AFG1L: variants seen among roughly 807,000 people sequenced by gnomAD.
AFG1L encodes the protein AFG1-like ATPase.
In AFG1L, 53 loss-of-function variants were observed where a neutral mutation model predicts 62.2. The ratio of observed to expected loss-of-function variants is 0.85; its 90% CI spans 0.68 to 1.07. The LOEUF (loss-of-function observed/expected upper bound fraction) is 1.07, where lower values mean the gene tolerates loss of function less well. Among genes scored for constraint, AFG1L ranks in the 50% least tolerant of loss-of-function variants. AFG1L has a pLI of 0.00. For missense variants in AFG1L, 555 were observed against 590.5 expected, an observed-to-expected ratio of 0.94 and a Z score of 0.62; for synonymous variants, 228 against 210.3, an observed-to-expected ratio of 1.08 and a Z score of -0.73.
intron 11 of AFG1L, among the ~76,000 whole-genome samples, chr6:108,518,749 C>G (rs774081520): frequency 1.3e-5 from 2 of 152,164 alleles, no homozygotes; most frequent in Non-Finnish European, 2.9e-5. Flanking sequence ...CATTCAAATA[C>G]TTATGTAATC....
intron 6 of AFG1L, among the ~76,000 whole-genome samples, chr6:108,378,000 ATTTACTTAT>A (rs1780323278): frequency 6.7e-6 from 1 of 149,188 alleles, no homozygotes; most frequent in Admixed American, 6.7e-5. Flanking sequence ...TTCTCAAATA[ATTTACTTAT>A]TTTACTTATT....
intron 6 of AFG1L, among the ~76,000 whole-genome samples, chr6:108,401,360 T>C (rs1324854611): frequency 6.6e-6 from 1 of 151,830 alleles, no homozygotes; most frequent in East Asian, 1.9e-4. Flanking sequence ...GCCAGGATGG[T>C]CTCGATCTCC....
At chr6:108,296,784 G>A (rs1040402190) in intron 1 of AFG1L, among the ~76,000 whole-genome samples, 2 of 152,148 alleles carry the variant, frequency 1.3e-5, no homozygotes, top group South Asian at 2.1e-4. Context: ...GATTTAAGGA[G>A]CATCATTATA....
intron 1 of AFG1L, among the ~76,000 whole-genome samples, chr6:108,311,188 C>T (rs1266704084): frequency 1.3e-5 from 2 of 152,212 alleles, no homozygotes; most frequent in African/African-American, 4.8e-5. Flanking sequence ...CCGCCTTTCA[C>T]TTTACGTCTC....
intron 2 of AFG1L, among the ~76,000 whole-genome samples, chr6:108,333,269 G>T (rs1254568582): frequency 3.3e-5 from 5 of 152,118 alleles, no homozygotes; most frequent in Non-Finnish European, 1.5e-5. Context: ...AATTAGCCAG[G>T]TGTGGTGGCG....
intron 7 of AFG1L, among the ~76,000 whole-genome samples, chr6:108,420,104 A>T (rs540947214): frequency 3.3e-5 from 5 of 152,306 alleles, no homozygotes; most frequent in Non-Finnish European, 7.4e-5. Context: ...AGTGTCAGTC[A>T]GCCTCTATGA....
chr6:108,301,013 G>C (rs189606206), intron 1 of AFG1L, among the ~76,000 whole-genome samples: 2 of 152,246 alleles, frequency 1.3e-5, no homozygotes, highest in South Asian at 2.1e-4. Context: ...ATATCTTTAT[G>C]TGAACTTATT....
At chr6:108,366,966 G>A (rs1779788831) in intron 6 of AFG1L, among the ~76,000 whole-genome samples, 2 of 152,180 alleles carry the variant, frequency 1.3e-5, no homozygotes, top group South Asian at 2.1e-4. Flanking sequence ...TATCTGCATG[G>A]CTAAGCCCTC....
intron 7 of AFG1L, among the ~76,000 whole-genome samples, chr6:108,440,434 G>T (rs1382082710): frequency 6.6e-6 from 1 of 152,118 alleles, no homozygotes; most frequent in Non-Finnish European, 1.5e-5. Context: ...CTCCCAAAGT[G>T]CTGGGATTAC....
intron 6 of AFG1L, among the ~76,000 whole-genome samples, chr6:108,394,994 T>C (rs1412336056): frequency 2.6e-5 from 4 of 152,190 alleles, no homozygotes; most frequent in African/African-American, 4.8e-5. Flanking sequence ...TTTTACTCAT[T>C]AGAGGTGTTT....
intron 8 of AFG1L, among the ~76,000 whole-genome samples, chr6:108,456,682 G>A (rs1772264520): frequency 6.6e-6 from 1 of 151,930 alleles, no homozygotes; most frequent in African/African-American, 2.4e-5. Context: ...CTTCTCTATG[G>A]AATTTGCCTA....
At chr6:108,350,032 G>A (rs907585865) in intron 3 of AFG1L, among the ~76,000 whole-genome samples, 2 of 151,944 alleles carry the variant, frequency 1.3e-5, no homozygotes, top group Admixed American at 1.3e-4. Context: ...GACCAGCCTG[G>A]CCAAAATGGT....
chr6:108,335,563 A>T (rs777685216), intron 2 of AFG1L, among the ~76,000 whole-genome samples: 10 of 152,110 alleles, frequency 6.6e-5, no homozygotes, highest in African/African-American at 9.6e-5. Context: ...AATTTCTCAG[A>T]TTCAGAACAA....
At chr6:108,519,559 G>GA (rs61046065) in intron 11 of AFG1L, 138 bp from the exon 12 acceptor site, 26 of 572,592 alleles carry the variant, frequency 4.5e-5, no homozygotes, top group South Asian at 8.1e-5. Context: ...AACAATTAGG[G>GA]AAAAAAAATG....
At chr6:108,419,366 ATGTT>A (rs1475523409) in intron 7 of AFG1L, among the ~76,000 whole-genome samples, 1 of 152,272 alleles carries the variant, frequency 6.6e-6, no homozygotes, top group East Asian at 1.9e-4. Context: ...TTAAAATTAA[ATGTT>A]TGATGATTAG....
intron 10 of AFG1L, among the ~76,000 whole-genome samples, chr6:108,493,211 C>G (rs1363238983): frequency 6.6e-6 from 1 of 152,214 alleles, no homozygotes; most frequent in Non-Finnish European, 1.5e-5. Context: ...ATCTGATAAA[C>G]TCCAAAGCTT....
intron 10 of AFG1L, among the ~76,000 whole-genome samples, chr6:108,483,507 G>T (rs188610857): frequency 6.3e-4 from 96 of 152,238 alleles, no homozygotes; most frequent in Non-Finnish European, 9.1e-4. Flanking sequence ...AAGAAAATAA[G>T]CCAAAGCTAA....
intron 10 of AFG1L, among the ~76,000 whole-genome samples, chr6:108,506,063 C>T (rs1774407907): frequency 6.6e-6 from 1 of 152,174 alleles, no homozygotes. Context: ...CGGGTTTTGA[C>T]TGGTTTACTT....
rs1234670210 is a variant in AFG1L, at chr6:108,347,014, G to T, written c.390G>T (p.Arg130Ser). 6.2e-6 allele frequency: 10 copies of T among 1,613,150 alleles called. No individual in the cohort carries two copies. The highest frequency in any genetic ancestry group is 8.5e-6 in the Non-Finnish European group (10 of 1,179,422). The change falls in exon 3 of 13, where the codon AGG (arginine) becomes AGT (serine). Residue 130 changes from arginine to serine, a missense_variant. Coordinates refer to ENST00000368977, the MANE Select transcript of AFG1L (RefSeq NM_145315.5). The stretch of plus-strand genomic sequence containing the variant: ...TTTTTTCAAGGAGCAAACCTCCAAG[G>T]GGCCTGTATGTTTATGGAGATGTTG... ...SKLFSRSKPP[R>S]GLYVYGDVGT...
Sources: allele counts gnomAD v4.1 joint callset (sites outside exome capture counted in the v4.1 genomes callset), GRCh38; gene constraint gnomAD v4.1.1; transcripts MANE v1.5; gene names NCBI Gene and HGNC (gene_info 2026-07-23, HGNC 2026-07-21).